Variants in DNAH8 observed in about 807,000 individuals in gnomAD.
DNAH8 encodes the protein axonemal beta dynein heavy chain 8.
A neutral mutation model predicts 562.1 loss-of-function variants in DNAH8; 382 were observed. That is an observed-to-expected ratio of 0.68 (90% confidence interval 0.63 to 0.74). The LOEUF is 0.74. DNAH8 is among the 30% of genes least tolerant of loss of function. The pLI is 0.00. For synonymous variants in DNAH8, 1,881 were observed against 1,919.4 expected (o/e 0.98, Z 0.52); for missense variants, 5,203 against 5,620.4 (o/e 0.93, Z 2.37).
chr6:39,015,150 CA>C (rs1477071548), intron 91 of DNAH8, among the ~76,000 whole-genome samples: 1 of 152,214 alleles, frequency 6.6e-6, no homozygotes, highest in African/African-American at 2.4e-5. Context: ...CAATGATTTT[CA>C]AAAGTGTGAG....
At position 38,937,980 on chromosome 6, in the gene DNAH8, T is replaced by G. The variant is rs143043316; in HGVS notation, c.11570T>G (p.Leu3857Trp). 6.8e-6 allele frequency: 11 copies of G among 1,613,722 alleles called. No individual in the cohort carries two copies. The highest frequency in any genetic ancestry group is 9.3e-6 in the Non-Finnish European group (11 of 1,179,864). Residue 3857 changes from leucine to tryptophan, a missense_variant, in exon 78 of 93, where the codon TTG becomes TGG. Around this residue, in one of 6 missense-constraint regions of DNAH8, gnomAD observed 1,399 missense variants for 1,518.4 expected, o/e 0.92. Coordinates refer to ENST00000327475, the MANE Select transcript of DNAH8 (RefSeq NM_001206927.2). ...TTCCTGTTTTGAATTTCAGGCTCAT[T>G]GGTAGATGACGAATCTCTCATTGGT... Reference protein sequence around the residue: ...LYKLSATKGSLVDDESLIGVL... With the variant: ...LYKLSATKGSWVDDESLIGVL...
chr6:38,724,719 G>T (rs890901622), intron 3 of DNAH8, among the ~76,000 whole-genome samples: 1 of 152,124 alleles, frequency 6.6e-6, no homozygotes, highest in Non-Finnish European at 1.5e-5. Context: ...CCTCGCGATA[G>T]CTCTGGTTCT....
intron 87 of DNAH8, among the ~76,000 whole-genome samples, chr6:38,987,814 A>G (rs4711569): frequency 0.24 from 37,220 of 152,040 alleles, 5,702 homozygotes; most frequent in Non-Finnish European, 0.35. Flanking sequence ...TTCTCTGTCT[A>G]GCTTGGACCT....
rs1440262507 is a variant in DNAH8 at position 38,851,685 on chromosome 6, A to T, written c.5466+11A>T. 11 of 1,542,250 alleles carry T rather than the reference A, an allele frequency of 7.1e-6. No individual in the cohort carries two copies. The African/African-American group carries it at 1.2e-4, about 17-fold the overall frequency. On this transcript the variant is annotated intron_variant, in intron 39 of 92. Transcript: ENST00000327475. ...TCCCACACCATACAGGTATAATCTA[A>T]GAATCTGTGATCTAACTTGCTTTTC...
At chr6:38,744,735 G>A (rs1764790405) in intron 8 of DNAH8, among the ~76,000 whole-genome samples, 1 of 152,108 alleles carries the variant, frequency 6.6e-6, no homozygotes, top group African/African-American at 2.4e-5. Flanking sequence ...TGAGACTACA[G>A]GCATGTGCCA....
intron 10 of DNAH8, among the ~76,000 whole-genome samples, chr6:38,757,773 T>A (rs1057412227): frequency 1.3e-5 from 2 of 152,258 alleles, no homozygotes; most frequent in Non-Finnish European, 2.9e-5. Flanking sequence ...ATTTATTAAA[T>A]AGGGAATCGT....
intron 80 of DNAH8, among the ~76,000 whole-genome samples, chr6:38,946,816 A>G (rs1309803798): frequency 8.6e-6 from 1 of 116,662 alleles, no homozygotes; most frequent in Non-Finnish European, 2.0e-5. Context: ...TCTTGGGGGA[A>G]AAAAAAAGAA....
chr6:38,979,407 A>C (rs1763891573), intron 85 of DNAH8, among the ~76,000 whole-genome samples: 1 of 152,234 alleles, frequency 6.6e-6, no homozygotes, highest in Admixed American at 6.5e-5. Flanking sequence ...AAGAAATTCA[A>C]TATTCCAAAT....
At chr6:38,892,617 C>G (rs1382675720) in intron 58 of DNAH8, among the ~76,000 whole-genome samples, 1 of 152,146 alleles carries the variant, frequency 6.6e-6, no homozygotes, top group African/African-American at 2.4e-5. Flanking sequence ...GATCACCTGT[C>G]CCCTGGACCA....
At chr6:38,813,938 T>C in intron 24 of DNAH8, 116 bp from the exon 25 acceptor site, 2 of 760,660 alleles carry the variant, frequency 2.6e-6, no homozygotes, top group Admixed American at 2.3e-5. Flanking sequence ...ATTCTCTTTG[T>C]GTAATTTGGC....
chr6:39,016,568 A>C (rs60028728), intron 91 of DNAH8, among the ~76,000 whole-genome samples: 1,528 of 152,138 alleles, frequency 0.01, 24 homozygotes, highest in African/African-American at 0.034. Context: ...AAAAAAAAGA[A>C]AAAAGCCCTA....
chr6:38,747,371 TTTTTTTCTTTTTC>T (rs1225373146), intron 8 of DNAH8, among the ~76,000 whole-genome samples: 4 of 121,070 alleles, frequency 3.3e-5, no homozygotes, highest in Non-Finnish European at 7.4e-5. Flanking sequence ...TGTCATTTTC[TTTTTTTCTTTTTC>T]TTTTTTTTTT....
chr6:38,886,714 A>G (rs1338780830), intron 56 of DNAH8, 77 bp from the exon 57 acceptor site: 4 of 1,125,798 alleles, frequency 3.6e-6, no homozygotes, highest in Non-Finnish European at 5.4e-6. Flanking sequence ...TTCTAATCTC[A>G]TTTGTACTAT....
At chr6:38,804,711 A>G (rs1771093840) in intron 22 of DNAH8, among the ~76,000 whole-genome samples, 1 of 151,868 alleles carries the variant, frequency 6.6e-6, no homozygotes, top group African/African-American at 2.4e-5. Context: ...TTTTGGAGTG[A>G]GAGAACATTC....
At position 38,848,666 on chromosome 6, in the gene DNAH8, A is replaced by G. The variant is rs1363039091; in HGVS notation, c.5064A>G (p.Lys1688=). The change falls in exon 37 of 93, where the codon AAA becomes AAG. Residue 1688 remains lysine (K), a synonymous_variant. Transcript: ENST00000327475. ...CTTTTAGATACAATGCTCCATTTAA[A>G]AAAAATATCCAGAATTGGGTGTATA... ...LLSNRYNAPF[K]KNIQNWVYKL... is the part of the protein sequence containing the mutation. 14 of 1,610,752 alleles carry G rather than the reference A, an allele frequency of 8.7e-6. No homozygotes were observed. Among genetic ancestry groups the G allele is most frequent in the Admixed American group, 1.7e-5 (1 of 59,776 alleles).
intron 41 of DNAH8, among the ~76,000 whole-genome samples, chr6:38,854,910 G>A (rs1776064658): frequency 6.8e-6 from 1 of 147,950 alleles, no homozygotes; most frequent in African/African-American, 2.5e-5. Flanking sequence ...TAAATACAAA[G>A]TATTTTTACA....
intron 62 of DNAH8, among the ~76,000 whole-genome samples, chr6:38,901,700 G>A (rs975880156): frequency 2.0e-5 from 3 of 151,896 alleles, no homozygotes; most frequent in Non-Finnish European, 4.4e-5. Context: ...AGATCACTTT[G>A]CCAATTTATA....
intron 21 of DNAH8, among the ~76,000 whole-genome samples, chr6:38,801,795 A>G (rs1052634414): frequency 1.3e-5 from 2 of 152,182 alleles, no homozygotes; most frequent in Non-Finnish European, 1.5e-5. Context: ...TCAGATACAG[A>G]TTAGACAGTC....
chr6:38,742,250 C>T (rs1764578203), intron 8 of DNAH8, among the ~76,000 whole-genome samples: 1 of 152,166 alleles, frequency 6.6e-6, no homozygotes, highest in Non-Finnish European at 1.5e-5. Context: ...ATTCTACCTC[C>T]TTTCCTAGAG....
Sources: gnomAD v4.1 joint callset for allele counts (sites outside exome capture counted in the v4.1 genomes callset) on GRCh38, gnomAD v4.1.1 for gene constraint, gnomAD v4.1.1 regional missense constraint, MANE v1.5 for transcripts, NCBI Gene and HGNC (gene_info 2026-07-23, HGNC 2026-07-21) for gene names.